MTHFD1L: variants seen among roughly 807,000 people sequenced by gnomAD.
The protein encoded by MTHFD1L is monofunctional C1-tetrahydrofolate synthase, mitochondrial.
Under a neutral mutation model 119.5 loss-of-function variants are expected in MTHFD1L, and 81 were observed. The ratio of observed to expected loss-of-function variants is 0.68; its 90% CI spans 0.57 to 0.82. MTHFD1L has a LOEUF of 0.82. MTHFD1L is among the 40% of genes least tolerant of loss of function. The pLI, the probability that MTHFD1L is intolerant of heterozygous loss-of-function variation, is 0.00. For missense variants in MTHFD1L, 1,125 were observed against 1,253.4 expected (o/e 0.90, Z 1.55); for synonymous variants, 430 against 475.2 (o/e 0.90, Z 1.24).
chr6:150,877,834 T>A lies in MTHFD1L; in HGVS notation c.417+8T>A, dbSNP rs767550828. On this transcript the variant is annotated splice_region_variant and intron_variant, in intron 4 of 27. Transcript: ENST00000367321. ...GATAGCAGTGAAGCCGAGGTAATAA[T>A]GGCAGAGCTCTAAACTCTTGCTTCT... 1 of 1,614,250 alleles carries A rather than the reference T, an allele frequency of 6.2e-7. No individual in the cohort carries two copies. Among genetic ancestry groups the A allele is most frequent in the Non-Finnish European group, 8.5e-7 (1 of 1,180,024 alleles).
intron 18 of MTHFD1L, among the ~76,000 whole-genome samples, chr6:150,960,898 G>T (rs1301286581): frequency 6.6e-6 from 1 of 152,024 alleles, no homozygotes; most frequent in Non-Finnish European, 1.5e-5. Context: ...CCTTAGATTT[G>T]GGTTTTGTAT....
intron 27 of MTHFD1L, among the ~76,000 whole-genome samples, chr6:151,094,627 T>C (rs948402730): frequency 1.3e-5 from 2 of 152,220 alleles, no homozygotes; most frequent in African/African-American, 4.8e-5. Flanking sequence ...CACTACAACC[T>C]CTGTCTCCTG....
chr6:151,091,196 T>C (rs1428182197), intron 26 of MTHFD1L, among the ~76,000 whole-genome samples: 8 of 84,254 alleles, frequency 9.5e-5, no homozygotes, highest in South Asian at 3.7e-4. Context: ...GCAGCATCGT[T>C]CCATGCGACT....
At chr6:151,031,667 GTCT>G (rs1455439749) in intron 24 of MTHFD1L, among the ~76,000 whole-genome samples, 54 of 152,252 alleles carry the variant, frequency 3.5e-4, no homozygotes, top group African/African-American at 1.1e-3. Flanking sequence ...TATTTATAAT[GTCT>G]TCTTAAAACA....
intron 8 of MTHFD1L, among the ~76,000 whole-genome samples, chr6:150,910,615 G>A (rs1343014395): frequency 6.6e-6 from 1 of 151,872 alleles, no homozygotes; most frequent in Non-Finnish European, 1.5e-5. Flanking sequence ...GTGACTTTGA[G>A]GAAATAAGCT....
chr6:150,923,547 T>TATTTATTTATTTATTC (rs1225993654), intron 10 of MTHFD1L, among the ~76,000 whole-genome samples: 1 of 138,498 alleles, frequency 7.2e-6, no homozygotes, highest in Non-Finnish European at 1.6e-5. Flanking sequence ...ATTTTTTCTT[T>TATTTATTTATTTATTC]TTTTTTTTTT....
Position 150,905,619 on chromosome 6 carries a change from G to A in MTHFD1L, c.781-31G>A, listed in dbSNP as rs765744998. 2.6e-6 allele frequency: 4 copies of A among 1,517,714 alleles called. No individual in the cohort carries two copies. In the Admixed American group the frequency reaches 6.7e-5, roughly 25 times the overall value. 94.0% of individuals were successfully genotyped at this position (1,517,714 alleles called of 1,614,324 possible). On this transcript the variant is annotated intron_variant, in intron 7 of 27. Coordinates refer to ENST00000367321, the MANE Select transcript of MTHFD1L (RefSeq NM_015440.5). The stretch of plus-strand genomic sequence containing the variant: ...CTTGTGTCTTTATGCCTCAGATCAA[G>A]ATGTGCGTGTTTTTTTCTTTCTCCT...
chr6:151,059,320 C>A (rs1790364686), intron 26 of MTHFD1L, among the ~76,000 whole-genome samples: 1 of 152,020 alleles, frequency 6.6e-6, no homozygotes, highest in Admixed American at 6.6e-5. Context: ...AAGCGATTTT[C>A]CTGCCTGCGC....
At chr6:151,025,100 A>G (rs1784443803) in intron 24 of MTHFD1L, among the ~76,000 whole-genome samples, 1 of 152,212 alleles carries the variant, frequency 6.6e-6, no homozygotes, top group Non-Finnish European at 1.5e-5. Flanking sequence ...CAGCTTTTCT[A>G]GCGGCGAGCC....
intron 20 of MTHFD1L, among the ~76,000 whole-genome samples, chr6:151,001,631 G>T (rs551385956): frequency 6.6e-6 from 1 of 152,126 alleles, no homozygotes; most frequent in South Asian, 2.1e-4. Context: ...GCAAGTCTTG[G>T]GATCTGATCA....
intron 8 of MTHFD1L, among the ~76,000 whole-genome samples, chr6:150,916,348 G>T (rs1424571724): frequency 7.3e-6 from 1 of 137,108 alleles, no homozygotes; most frequent in Non-Finnish European, 1.5e-5. Context: ...TGTTGCCCAG[G>T]CTGGAGTGAG....
chr6:150,877,787 C>G lies in MTHFD1L; in HGVS notation c.378C>G (p.Ile126Met), dbSNP rs779276557. ...TCCTTTTTCAGGCTGGTCTGAACAT[C>G]ACTCACATTTGCCTCCCTCCAGATA... ...QNLAEEAGLN[I>M]THICLPPDSS... Residue 126 changes from isoleucine to methionine, a missense_variant, in exon 4 of 28, where the codon ATC becomes ATG. By Grantham distance (10) the Ile-to-Met change is conservative. Around this residue, in one of 3 missense-constraint regions of MTHFD1L, gnomAD observed 1,058 missense variants for 1,151.2 expected, o/e 0.92. Coordinates refer to ENST00000367321, the MANE Select transcript of MTHFD1L (RefSeq NM_015440.5). 3.1e-6 allele frequency: 5 copies of G among 1,614,238 alleles called. No individual in the cohort carries two copies. Among genetic ancestry groups the G allele is most frequent in the Non-Finnish European group, 4.2e-6 (5 of 1,180,052 alleles).
At chr6:151,077,095 G>C (rs913199850) in intron 26 of MTHFD1L, among the ~76,000 whole-genome samples, 1 of 152,118 alleles carries the variant, frequency 6.6e-6, no homozygotes, top group African/African-American at 2.4e-5. Flanking sequence ...ATTCCAATAA[G>C]ACAGAAGAAA....
intron 26 of MTHFD1L, among the ~76,000 whole-genome samples, chr6:151,038,883 G>A (rs1249108652): frequency 6.6e-6 from 1 of 152,188 alleles, no homozygotes; most frequent in East Asian, 1.9e-4. Flanking sequence ...CACGGGAGAA[G>A]GCAGATTGGC....
At chr6:151,058,857 A>G (rs1214140896) in intron 26 of MTHFD1L, among the ~76,000 whole-genome samples, 1 of 152,132 alleles carries the variant, frequency 6.6e-6, no homozygotes. Flanking sequence ...TTGTATTTTT[A>G]ATAGAGACGG....
Position 151,021,980 on chromosome 6 carries a change from G to A in MTHFD1L, c.2586+6287G>A, listed in dbSNP as rs1387273877. On this transcript the variant is annotated intron_variant, in intron 24 of 27. Transcript: ENST00000367321. ...AAGGTGTAGCCTTGACAGCAAGACA[G>A]GATAGTGTTTGTTTTTATTAAAAGG... The A allele has an allele frequency of 1.1e-5, 5 of 470,766 alleles. No homozygotes were observed. The East Asian group carries it at 3.5e-4, about 33-fold the overall frequency. 29.2% of individuals were successfully genotyped at this position (470,766 alleles called of 1,614,324 possible).
At chr6:151,073,754 A>G (rs549816084) in intron 26 of MTHFD1L, among the ~76,000 whole-genome samples, 236 of 152,316 alleles carry the variant, frequency 1.5e-3, no homozygotes, top group Admixed American at 4.0e-3. Flanking sequence ...GTTAACTTAA[A>G]GACATGCAGT....
intron 9 of MTHFD1L, among the ~76,000 whole-genome samples, chr6:150,921,106 C>T (rs1788845966): frequency 6.6e-6 from 1 of 151,812 alleles, no homozygotes; most frequent in Admixed American, 6.6e-5. Flanking sequence ...CACATGCCAC[C>T]ACCACGCCCG....
intron 20 of MTHFD1L, among the ~76,000 whole-genome samples, chr6:150,978,327 A>T (rs1335382697): frequency 1.3e-5 from 2 of 152,144 alleles, no homozygotes; most frequent in East Asian, 1.9e-4. Flanking sequence ...GTAGCTTTCG[A>T]TGTCCCATAC....
Sources: allele counts gnomAD v4.1 joint callset (sites outside exome capture counted in the v4.1 genomes callset), GRCh38; gene constraint gnomAD v4.1.1; regional missense constraint gnomAD v4.1.1; transcripts MANE v1.5; gene names NCBI Gene and HGNC (gene_info 2026-07-23, HGNC 2026-07-21).